WWOX: variants seen among roughly 807,000 people sequenced by gnomAD.
WWOX encodes WW domain-containing oxidoreductase.
A neutral mutation model predicts 46.2 loss-of-function variants in WWOX; 69 were observed. The observed-to-expected ratio is 1.49, with a 90% CI of 1.23 to 1.82. The LOEUF (loss-of-function observed/expected upper bound fraction) is 1.82, where lower values mean the gene tolerates loss of function less well. Among genes scored for constraint, WWOX ranks in the 40% most tolerant of loss-of-function variants. The pLI, the probability that WWOX is intolerant of heterozygous loss-of-function variation, is 0.00. For synonymous variants in WWOX, 359 were observed against 202.6 expected (o/e 1.77, Z -6.56); for missense variants, 919 against 542.6 (o/e 1.69, Z -6.89).
intron 5 of WWOX, among the ~76,000 whole-genome samples, chr16:78,370,359 TAGTA>T (rs1449145856): frequency 6.6e-6 from 1 of 152,120 alleles, no homozygotes; most frequent in Non-Finnish European, 1.5e-5. Flanking sequence ...GTTCAGTACA[TAGTA>T]AGTACTGTGT....
chr16:78,904,678 T>A (rs8061943), intron 8 of WWOX, among the ~76,000 whole-genome samples: 149,986 of 152,208 alleles, frequency 0.99, 73,917 homozygotes, highest in Middle Eastern at 1. Flanking sequence ...TTGAGAGAGG[T>A]TGGGGAGCAG....
intron 8 of WWOX, among the ~76,000 whole-genome samples, chr16:78,997,154 G>A (rs556614149): frequency 6.6e-6 from 1 of 151,752 alleles, no homozygotes; most frequent in Non-Finnish European, 1.5e-5. Flanking sequence ...GCCTGGTGAG[G>A]GGGGTGCTAT....
At chr16:78,616,185 C>A (rs371444897) in intron 8 of WWOX, among the ~76,000 whole-genome samples, 2 of 151,898 alleles carry the variant, frequency 1.3e-5, no homozygotes, top group South Asian at 2.1e-4. Flanking sequence ...TGTATGCATT[C>A]CCACGGCCAC....
chr16:78,714,016 TG>T (rs1567509719), intron 8 of WWOX, among the ~76,000 whole-genome samples: 4 of 152,028 alleles, frequency 2.6e-5, no homozygotes, highest in African/African-American at 7.2e-5. Flanking sequence ...ACACTGCATT[TG>T]GGGGGAAGGT....
intron 8 of WWOX, among the ~76,000 whole-genome samples, chr16:78,511,513 C>G (rs1249683083): frequency 6.6e-6 from 1 of 152,210 alleles, no homozygotes; most frequent in Non-Finnish European, 1.5e-5. Flanking sequence ...AGCCTGTTGC[C>G]TAAGAAATGC....
intron 8 of WWOX, among the ~76,000 whole-genome samples, chr16:78,572,260 C>G (rs1004248702): frequency 3.2e-4 from 48 of 152,242 alleles, no homozygotes; most frequent in African/African-American, 1.1e-3. Context: ...CCAGAACGTG[C>G]ATCAACACAG....
chr16:78,523,414 A>G (rs1407372175), intron 8 of WWOX, among the ~76,000 whole-genome samples: 5 of 152,208 alleles, frequency 3.3e-5, no homozygotes, highest in African/African-American at 1.2e-4. Context: ...TACAGCTATC[A>G]GTAACAATGC....
chr16:78,203,027 C>T (rs539154366), intron 5 of WWOX, among the ~76,000 whole-genome samples: 1 of 152,274 alleles, frequency 6.6e-6, no homozygotes, highest in African/African-American at 2.4e-5. Context: ...TAGAATTAGG[C>T]TGTCTGGATT....
In WWOX at chr16:78,534,832, G is replaced by C. The variant is rs187919917; in HGVS notation, c.1056+102080G>C. On this transcript the variant is annotated intron_variant, in intron 8 of 8. Transcript: ENST00000566780. ...TCAAGCGATTCCACTGCCCTGATCA[G>C]CTTCCTGAGTAGCTGGGACTACAGG... Among the ~76,000 whole-genome samples, 772 of 151,954 alleles carry C rather than the reference G, an allele frequency of 5.1e-3. 9 individuals carry two copies. Among genetic ancestry groups the C allele is most frequent in the African/African-American group, 0.018 (751 of 41,442 alleles).
intron 8 of WWOX, among the ~76,000 whole-genome samples, chr16:78,967,228 C>T (rs2046378223): frequency 6.7e-6 from 1 of 149,210 alleles, no homozygotes; most frequent in Admixed American, 6.7e-5. Flanking sequence ...AATCATGTTG[C>T]AAGTGGATGA....
intron 8 of WWOX, among the ~76,000 whole-genome samples, chr16:78,688,941 C>T (rs919767750): frequency 3.9e-5 from 6 of 152,134 alleles, no homozygotes; most frequent in Non-Finnish European, 2.9e-5. Flanking sequence ...GGCACCTCTC[C>T]TTCCTGCTGC....
intron 8 of WWOX, among the ~76,000 whole-genome samples, chr16:78,930,479 C>T (rs1257511312): frequency 4.5e-5 from 6 of 134,128 alleles, no homozygotes; most frequent in South Asian, 2.4e-4. Flanking sequence ...TCTGTAGAGA[C>T]GGGGTTTCAC....
intron 8 of WWOX, among the ~76,000 whole-genome samples, chr16:78,676,825 C>G (rs2047610764): frequency 6.6e-6 from 1 of 152,040 alleles, no homozygotes; most frequent in South Asian, 2.1e-4. Context: ...CTTGATAGGA[C>G]CTCAGGAAAA....
intron 8 of WWOX, among the ~76,000 whole-genome samples, chr16:78,762,076 C>T (rs1208488411): frequency 1.3e-5 from 2 of 152,190 alleles, no homozygotes; most frequent in African/African-American, 2.4e-5. Flanking sequence ...GGCCTTTTCA[C>T]TGAAGTTCTC....
intron 6 of WWOX, among the ~76,000 whole-genome samples, chr16:78,402,374 T>C (rs2082433680): frequency 6.6e-6 from 1 of 152,222 alleles, no homozygotes. Context: ...GTTTATCTGG[T>C]TGTCAGTCGG....
chr16:78,789,409 C>G (rs1419007268), intron 8 of WWOX, among the ~76,000 whole-genome samples: 1 of 152,110 alleles, frequency 6.6e-6, no homozygotes, highest in African/African-American at 2.4e-5. Flanking sequence ...AAAGATAATT[C>G]TTTCTCTATT....
At chr16:79,036,287 C>G (rs1352549703) in intron 8 of WWOX, among the ~76,000 whole-genome samples, 2 of 152,236 alleles carry the variant, frequency 1.3e-5, no homozygotes, top group Non-Finnish European at 2.9e-5. Context: ...CCAGATAATG[C>G]CCATCAGATG....
chr16:78,471,262 C>A (rs1567592433), intron 8 of WWOX, among the ~76,000 whole-genome samples: 1 of 152,198 alleles, frequency 6.6e-6, no homozygotes, highest in Non-Finnish European at 1.5e-5. Context: ...TCTTGAGCTG[C>A]TAATAAACAT....
rs2045522693 is a variant in WWOX at position 78,927,373 on chromosome 16, G to C, written c.1057-284235G>C. 2.6e-5 allele frequency among the ~76,000 whole-genome samples: 4 copies of C among 152,122 alleles called. No homozygotes were observed. The South Asian group carries it at 8.3e-4, about 32-fold the overall frequency. On this transcript the variant is annotated intron_variant, in intron 8 of 8. Transcript: ENST00000566780. ...TTCCTTGAGTTTTGGTGTAAGTATTGATGGAGCAGACCATCAATAACTGTT... is the reference window on the plus strand; with the variant it reads ...TTCCTTGAGTTTTGGTGTAAGTATTCATGGAGCAGACCATCAATAACTGTT...
Sources: gnomAD v4.1 joint callset for allele counts (sites outside exome capture counted in the v4.1 genomes callset) on GRCh38, gnomAD v4.1.1 for gene constraint, MANE v1.5 for transcripts, NCBI Gene and HGNC (gene_info 2026-07-23, HGNC 2026-07-21) for gene names.